UBR1: variants seen among roughly 807,000 people sequenced by gnomAD.
The protein encoded by UBR1 is E3 ubiquitin-protein ligase UBR1.
In UBR1, 102 loss-of-function variants were observed where a neutral mutation model predicts 242.1. The observed-to-expected ratio is 0.42, with a 90% CI of 0.36 to 0.50. The LOEUF is 0.50. Among genes scored for constraint, UBR1 ranks in the 20% least tolerant of loss-of-function variants. UBR1 has a pLI of 0.01. For missense variants in UBR1, 1,772 were observed against 2,101.8 expected (o/e 0.84, Z 3.07); for synonymous variants, 675 against 684.8 (o/e 0.99, Z 0.22).
At chr15:43,077,253 G>C (rs2033917482) in intron 3 of UBR1, among the ~76,000 whole-genome samples, 1 of 152,054 alleles carries the variant, frequency 6.6e-6, no homozygotes, top group African/African-American at 2.4e-5. Context: ...GATGGTTGCC[G>C]GGTCTGTGTG....
chr15:43,006,971 T>A (rs988701114), intron 30 of UBR1, 108 bp downstream of exon 30: 8 of 988,834 alleles, frequency 8.1e-6, no homozygotes, highest in Admixed American at 7.6e-5. Flanking sequence ...GATAATGGTA[T>A]GGTAGATATA....
intron 35 of UBR1, among the ~76,000 whole-genome samples, chr15:42,987,487 G>A (rs1039177670): frequency 1.3e-4 from 20 of 152,110 alleles, no homozygotes; most frequent in African/African-American, 4.6e-4. Context: ...AGGCTGAGGC[G>A]GGAGGATCAC....
rs752129789 is a variant in UBR1 at position 42,966,207 on chromosome 15, C to A, written c.4537G>T (p.Ala1513Ser). The A allele has an allele frequency of 6.2e-7, 1 of 1,614,154 alleles. No individual in the cohort carries two copies. The highest frequency in any genetic ancestry group is 8.5e-7 in the Non-Finnish European group (1 of 1,180,026). ...NGITPYLRCA[A>S]LFFHYLLGVT... ...CCAAGTAAATAGTGGAAAAACAATG[C>A]AGCACAGCGAAGATAAGGGGTGATG... The change falls in exon 41 of 47, where the codon GCA (alanine) becomes TCA (serine). Residue 1513 changes from alanine to serine, a missense_variant. Physicochemically the swap from Ala to Ser is moderately conservative, Grantham distance 99 (BLOSUM62 1). Around this residue, in one of 3 missense-constraint regions of UBR1, gnomAD observed 965 missense variants for 1,079.7 expected, o/e 0.89. Transcript: ENST00000290650.
intron 2 of UBR1, among the ~76,000 whole-genome samples, chr15:43,084,883 A>C (rs1048620460): frequency 3.3e-5 from 5 of 152,248 alleles, no homozygotes; most frequent in African/African-American, 7.2e-5. Context: ...TGTATTTATA[A>C]AGTTTAAAAC....
Position 43,036,193 on chromosome 15 carries a change from T to C in UBR1, c.2175A>G (p.Ile725Met), listed in dbSNP as rs756572767. The C allele has an allele frequency of 1.2e-6, 2 of 1,613,018 alleles. No homozygotes were observed. Among genetic ancestry groups the C allele is most frequent in the East Asian group, 2.2e-5 (1 of 44,754 alleles). The change falls in exon 19 of 47, where the codon ATA becomes ATG. Residue 725 changes from isoleucine (I) to methionine (M), a missense_variant. This residue lies in a region of UBR1 where 734 missense variants were observed against 893.3 expected (regional missense o/e 0.82). Transcript: ENST00000290650. ...YELAEAFNKTISTKDQDLIKQ... is the reference protein window; with the variant it reads ...YELAEAFNKTMSTKDQDLIKQ... ...GGTTGTATACCTGGTCTTTTGTAGA[T>C]ATGGTCTTGTTAAAAGCCTCGGCAA...
chr15:43,010,477 C>G (rs1596099495), intron 29 of UBR1, among the ~76,000 whole-genome samples: 1 of 152,150 alleles, frequency 6.6e-6, no homozygotes, highest in South Asian at 2.1e-4. Context: ...GCAAATAAAA[C>G]CAAAGGCTGA....
chr15:43,082,922 G>T (rs979709498), intron 2 of UBR1, among the ~76,000 whole-genome samples: 8 of 152,354 alleles, frequency 5.3e-5, no homozygotes, highest in Admixed American at 4.6e-4. Flanking sequence ...ATTTAAGTGT[G>T]TAGGTCTGGA....
chr15:43,020,874 C>A lies in UBR1; in HGVS notation c.2940+401G>T, dbSNP rs550871967. ...CTCTAATGTCGTGTTTTGAGAGAGGCCTTCCCTAATTACCCAAAGTAACCC... is the reference window on the plus strand; with the variant it reads ...CTCTAATGTCGTGTTTTGAGAGAGGACTTCCCTAATTACCCAAAGTAACCC... On this transcript the variant is annotated intron_variant, in intron 27 of 46. Coordinates refer to ENST00000290650, the MANE Select transcript of UBR1 (RefSeq NM_174916.3). 2.0e-5 allele frequency among the ~76,000 whole-genome samples: 3 copies of A among 152,314 alleles called. No individual in the cohort carries two copies. The East Asian group carries it at 5.8e-4, about 29-fold the overall frequency.
intron 45 of UBR1, among the ~76,000 whole-genome samples, chr15:42,951,442 T>G (rs2031831662): frequency 6.6e-6 from 1 of 152,196 alleles, no homozygotes; most frequent in South Asian, 2.1e-4. Flanking sequence ...CAGGCTGGTC[T>G]TGAACTCCTG....
At chr15:43,017,475 T>A (rs2033043726) in intron 27 of UBR1, among the ~76,000 whole-genome samples, 1 of 152,064 alleles carries the variant, frequency 6.6e-6, no homozygotes, top group South Asian at 2.1e-4. Context: ...TTTTTTAATT[T>A]GAAATAATAT....
chr15:43,070,699 A>T, intron 5 of UBR1, 96 bp downstream of exon 5: 1 of 1,542,640 alleles, frequency 6.5e-7, no homozygotes, highest in East Asian at 2.2e-5. Flanking sequence ...TCATAATGAT[A>T]ATTAGGCAGT....
At chr15:43,082,385 G>C (rs1386646277) in intron 3 of UBR1, among the ~76,000 whole-genome samples, 1 of 152,144 alleles carries the variant, frequency 6.6e-6, no homozygotes, top group Admixed American at 6.6e-5. Context: ...AGTTGTTATG[G>C]ACTATTCTGC....
intron 40 of UBR1, among the ~76,000 whole-genome samples, chr15:42,967,985 G>A (rs1389958151): frequency 6.6e-6 from 1 of 151,070 alleles, no homozygotes; most frequent in Non-Finnish European, 1.5e-5. Context: ...TACAATATAT[G>A]TACATATTGT....
chr15:43,072,405 G>C (rs923455410), intron 4 of UBR1, among the ~76,000 whole-genome samples: 1 of 152,196 alleles, frequency 6.6e-6, no homozygotes, highest in Non-Finnish European at 1.5e-5. Context: ...TATGGCCGAA[G>C]ATGTGTATAT....
rs547488632 is a variant in UBR1, at chr15:42,975,075, T to C, written c.4369+1642A>G. Among the ~76,000 whole-genome samples the C allele has an allele frequency of 2.4e-4, 37 of 152,228 alleles. No homozygotes were observed. In the South Asian group the frequency reaches 5.0e-3, roughly 20 times the overall value. On this transcript the variant is annotated intron_variant, in intron 39 of 46. Transcript: ENST00000290650. Reference sequence around the variant, plus strand: ...CCACGCTGGCTAATTATTGTATTTTTAGTAGAGACGGGGTTTCACAATGTT... The same window carrying C: ...CCACGCTGGCTAATTATTGTATTTTCAGTAGAGACGGGGTTTCACAATGTT...
intron 12 of UBR1, among the ~76,000 whole-genome samples, chr15:43,050,456 T>C (rs562134333): frequency 4.5e-4 from 69 of 152,202 alleles, no homozygotes; most frequent in African/African-American, 1.6e-3. Flanking sequence ...ACGCCTGTAA[T>C]CCCAGCACTT....
rs145935626 is a variant in UBR1, at chr15:42,965,251, G to A, written c.4591+902C>T. The stretch of plus-strand genomic sequence containing the variant: ...TCAGCTTATTCTCAAAGGACAAAAG[G>A]AAGAATCTCAGCAATTTTGATGACT... On this transcript the variant is annotated intron_variant, in intron 41 of 46. Transcript: ENST00000290650. 1.9e-3 allele frequency among the ~76,000 whole-genome samples: 285 copies of A among 152,180 alleles called. 1 individual carries two copies. Among genetic ancestry groups the A allele is most frequent in the Non-Finnish European group, 2.3e-3 (157 of 68,002 alleles).
chr15:43,082,550 T>C (rs954209100), intron 3 of UBR1, 88 bp downstream of exon 3: 2 of 978,174 alleles, frequency 2.0e-6, no homozygotes, highest in Non-Finnish European at 3.2e-6. Flanking sequence ...AGAGCTGTTA[T>C]AGCAGGAATG....
At chr15:43,048,744 C>T (rs902180998) in intron 12 of UBR1, among the ~76,000 whole-genome samples, 2 of 152,208 alleles carry the variant, frequency 1.3e-5, no homozygotes, top group Admixed American at 6.5e-5. Flanking sequence ...AGAGGTTAGT[C>T]TGATTAAGTG....
Sources: allele counts gnomAD v4.1 joint callset (sites outside exome capture counted in the v4.1 genomes callset), GRCh38; gene constraint gnomAD v4.1.1; regional missense constraint gnomAD v4.1.1; transcripts MANE v1.5; gene names NCBI Gene and HGNC (gene_info 2026-07-23, HGNC 2026-07-21).